The following POLK variants were observed in gnomAD, a reference collection of about 807,000 sequenced individuals.
POLK encodes the protein DNA polymerase kappa.
POLK carries 76 observed loss-of-function variants against 94.0 expected under a neutral mutation model. The observed-to-expected ratio is 0.81, with a 90% CI of 0.67 to 0.98. The LOEUF (loss-of-function observed/expected upper bound fraction) is 0.98, where lower values mean the gene tolerates loss of function less well. POLK is among the 50% of genes least tolerant of loss of function. The pLI, the probability that POLK is intolerant of heterozygous loss-of-function variation, is 0.00. For synonymous variants in POLK, 349 were observed against 325.4 expected, an observed-to-expected ratio of 1.07 and a Z score of -0.78; for missense variants, 954 against 1,010.1, an observed-to-expected ratio of 0.94 and a Z score of 0.75.
chr5:75,587,959 A>G lies in POLK; in HGVS notation c.1259+901A>G, dbSNP rs533464906. Among the ~76,000 whole-genome samples the G allele has an allele frequency of 2.0e-4, 30 of 152,270 alleles. 1 individual carries two copies. In the South Asian group the frequency reaches 6.0e-3, roughly 30 times the overall value. The stretch of plus-strand genomic sequence containing the variant: ...ACAAAACAAAACACTGACCTAGTAC[A>G]AGATTGTGTTCATATTTCACATATA... On this transcript the variant is annotated intron_variant, in intron 10 of 14. Coordinates refer to ENST00000241436, the Ensembl canonical transcript of POLK.
chr5:75,532,873 G>A (rs1463985998), intron 1 of POLK, among the ~76,000 whole-genome samples: 1 of 152,108 alleles, frequency 6.6e-6, no homozygotes, highest in Non-Finnish European at 1.5e-5. Context: ...TGTTAGCCAC[G>A]TGTATGTCTT....
At chr5:75,533,030 G>A (rs1004171951) in intron 1 of POLK, among the ~76,000 whole-genome samples, 5 of 152,090 alleles carry the variant, frequency 3.3e-5, no homozygotes, top group South Asian at 2.1e-4. Flanking sequence ...CTCCCGTTCT[G>A]TAGGTTCTTT....
chr5:75,570,487 A>T (rs1488427458), intron 4 of POLK, among the ~76,000 whole-genome samples: 1 of 152,216 alleles, frequency 6.6e-6, no homozygotes, highest in Non-Finnish European at 1.5e-5. Flanking sequence ...AAAGCCTAAA[A>T]TGATTACTAT....
intron 11 of POLK, among the ~76,000 whole-genome samples, chr5:75,593,218 A>G (rs898659293): frequency 3.4e-5 from 5 of 146,958 alleles, no homozygotes; most frequent in African/African-American, 1.0e-4. Context: ...TGCAACCTCC[A>G]TCTCCTGGCT....
chr5:75,608,833 T>C, the POLK span: 1 of 152,114 alleles, frequency 6.6e-6, no homozygotes, highest in Non-Finnish European at 1.5e-5. Flanking sequence ...TGGAGAAGAA[T>C]TGTAGGGCCC....
At chr5:75,559,519 TTTTG>T (rs1457366902) in intron 3 of POLK, among the ~76,000 whole-genome samples, 5 of 136,880 alleles carry the variant, frequency 3.7e-5, no homozygotes, top group African/African-American at 1.2e-4. Context: ...TTTTGTTTTG[TTTTG>T]TTTTTTTTTT....
chr5:75,529,534 A>G (rs1247284153), intron 1 of POLK, among the ~76,000 whole-genome samples: 2 of 152,230 alleles, frequency 1.3e-5, no homozygotes, highest in Non-Finnish European at 2.9e-5. Context: ...ACTGTTACAT[A>G]GTATATGCTA....
intron 1 of POLK, among the ~76,000 whole-genome samples, chr5:75,517,161 C>A (rs1768362752): frequency 6.6e-6 from 1 of 151,386 alleles, no homozygotes; most frequent in African/African-American, 2.4e-5. Flanking sequence ...TTTTAGGATT[C>A]TTTTTCTATT....
intron 6 of POLK, among the ~76,000 whole-genome samples, 185 bp from the exon 7 acceptor site, chr5:75,581,024 T>C (rs1772167929): frequency 6.6e-6 from 1 of 152,148 alleles, no homozygotes; most frequent in Non-Finnish European, 1.5e-5. Context: ...AAATTCATAA[T>C]CAGTGTTCTC....
intron 2 of POLK, among the ~76,000 whole-genome samples, chr5:75,550,571 T>G (rs1160130128): frequency 1.3e-5 from 2 of 151,618 alleles, no homozygotes; most frequent in African/African-American, 2.4e-5. Flanking sequence ...AGAGCAAGAC[T>G]CCTTCTCAGA....
intron 4 of POLK, among the ~76,000 whole-genome samples, chr5:75,570,690 A>T (rs1287772845): frequency 4.6e-5 from 7 of 152,216 alleles, no homozygotes; most frequent in Admixed American, 6.5e-5. Context: ...TGTGTGGCTG[A>T]AAGTGTGTTG....
intron 1 of POLK, among the ~76,000 whole-genome samples, chr5:75,534,265 T>TA (rs540377049): frequency 0.086 from 10,795 of 124,802 alleles, 471 homozygotes; most frequent in South Asian, 0.17. Flanking sequence ...GACCCTGTCT[T>TA]AAAAAAAAAA....
At chr5:75,568,216 T>C (rs1172153645) in intron 3 of POLK, among the ~76,000 whole-genome samples, 1 of 152,214 alleles carries the variant, frequency 6.6e-6, no homozygotes, top group Non-Finnish European at 1.5e-5. Context: ...TTGATCCTTT[T>C]AGTAATAGAT....
intron 2 of POLK, among the ~76,000 whole-genome samples, chr5:75,548,632 A>G (rs1438458256): frequency 6.6e-6 from 1 of 151,854 alleles, no homozygotes; most frequent in Non-Finnish European, 1.5e-5. Context: ...TGTAAACTTT[A>G]AGAGAATATC....
chr5:75,532,138 T>C (rs1561341082), intron 1 of POLK, among the ~76,000 whole-genome samples: 1 of 152,224 alleles, frequency 6.6e-6, no homozygotes, highest in Non-Finnish European at 1.5e-5. Context: ...ACACATTTAT[T>C]ATATAGGTAA....
chr5:75,535,820 T>C lies in POLK; in HGVS notation c.-13-11190T>C, dbSNP rs556405014. On this transcript the variant is annotated intron_variant, in intron 1 of 14. Coordinates refer to ENST00000241436, the Ensembl canonical transcript of POLK. ...CTATCAGATGAGTTTGGTTCTTTCA[T>C]ATAATGGCCATTTGGTCTATTACCT... Among the ~76,000 whole-genome samples, 3 of 152,346 alleles carry C rather than the reference T, an allele frequency of 2.0e-5. No individual in the cohort carries two copies. In the East Asian group the frequency reaches 5.8e-4, roughly 29 times the overall value.
chr5:75,534,020 C>G (rs1389448224), intron 1 of POLK, among the ~76,000 whole-genome samples: 1 of 152,092 alleles, frequency 6.6e-6, no homozygotes. Context: ...AATCCCAGCA[C>G]TTTGGGAGGC....
intron 4 of POLK, 37 bp from the exon 5 acceptor site, chr5:75,573,701 T>G (rs373628148): frequency 3.2e-6 from 5 of 1,563,980 alleles, no homozygotes; most frequent in Non-Finnish European, 4.4e-6. Flanking sequence ...CCATTTAGGT[T>G]TGTGTATTTT....
At chr5:75,548,636 G>A (rs1365852042) in intron 2 of POLK, among the ~76,000 whole-genome samples, 2 of 151,750 alleles carry the variant, frequency 1.3e-5, no homozygotes, top group Non-Finnish European at 2.9e-5. Context: ...AACTTTAAGA[G>A]AATATCCTTG....
Sources: gnomAD v4.1 joint callset for allele counts (sites outside exome capture counted in the v4.1 genomes callset) on GRCh38, gnomAD v4.1.1 for gene constraint, MANE v1.5 for transcripts, NCBI Gene and HGNC (gene_info 2026-07-23, HGNC 2026-07-21) for gene names.